ARID1B: variants seen among roughly 807,000 people sequenced by gnomAD.
ARID1B encodes AT-rich interactive domain-containing protein 1B.
A neutral mutation model predicts 212.3 loss-of-function variants in ARID1B; 30 were observed. The ratio of observed to expected loss-of-function variants is 0.14; its 90% CI spans 0.11 to 0.19. The LOEUF is 0.19. Ranked by LOEUF, ARID1B falls within the 10% of genes least tolerant of loss-of-function variation. ARID1B has a pLI of 1.00. For missense variants in ARID1B, 2,891 were observed against 3,204.0 expected (o/e 0.90, Z 2.36); for synonymous variants, 1,402 against 1,301.7 (o/e 1.08, Z -1.66).
rs1789703015 is a variant in ARID1B at position 157,146,093 on chromosome 6, C to A, written c.2762-2531C>A. The stretch of plus-strand genomic sequence containing the variant: ...CCTCTCCCCTCTATCCCCCCGTCAG[C>A]CACACACAGCGCCCCAGTGGCTGTC... On this transcript the variant is annotated intron_variant, in intron 7 of 19. Coordinates refer to ENST00000636930, the MANE Select transcript of ARID1B (RefSeq NM_001374828.1). Among the ~76,000 whole-genome samples, 3 of 152,126 alleles carry A rather than the reference C, an allele frequency of 2.0e-5. No homozygotes were observed. The South Asian group carries it at 6.2e-4, about 31-fold the overall frequency.
chr6:156,995,708 G>A (rs1446688616), intron 4 of ARID1B, among the ~76,000 whole-genome samples: 1 of 152,220 alleles, frequency 6.6e-6, no homozygotes. Context: ...TGTACCAGCT[G>A]CTATTAAGCT....
At chr6:157,077,496 G>T (rs1562598428) in intron 4 of ARID1B, among the ~76,000 whole-genome samples, 1 of 152,214 alleles carries the variant, frequency 6.6e-6, no homozygotes, top group South Asian at 2.1e-4. Context: ...GCCGAAATGA[G>T]CATGCCCTCC....
At chr6:156,926,108 A>G (rs959602354) in intron 3 of ARID1B, among the ~76,000 whole-genome samples, 2 of 152,172 alleles carry the variant, frequency 1.3e-5, no homozygotes, top group African/African-American at 4.8e-5. Context: ...GTGAAATAGG[A>G]CACCAGGCCT....
intron 7 of ARID1B, among the ~76,000 whole-genome samples, chr6:157,139,508 G>T (rs997638151): frequency 2.6e-5 from 4 of 152,160 alleles, no homozygotes; most frequent in African/African-American, 9.7e-5. Flanking sequence ...TGGCCCGCCT[G>T]CAGGGGGTGC....
At chr6:157,121,104 A>C (rs1287743786) in intron 6 of ARID1B, among the ~76,000 whole-genome samples, 1 of 152,228 alleles carries the variant, frequency 6.6e-6, no homozygotes, top group African/African-American at 2.4e-5. Context: ...GAGGCTAAAC[A>C]AGATCCATGT....
chr6:157,172,012 T>C (rs1791747743), intron 9 of ARID1B, among the ~76,000 whole-genome samples: 2 of 152,250 alleles, frequency 1.3e-5, no homozygotes, highest in South Asian at 2.1e-4. Flanking sequence ...ACAGAAGCCA[T>C]GTGCCCATGA....
chr6:156,843,695 G>A (rs1771206731), intron 2 of ARID1B, among the ~76,000 whole-genome samples: 1 of 152,182 alleles, frequency 6.6e-6, no homozygotes, highest in Non-Finnish European at 1.5e-5. Flanking sequence ...TTAGATAAAT[G>A]CCATTATCTC....
intron 4 of ARID1B, among the ~76,000 whole-genome samples, chr6:157,064,105 G>T (rs573563345): frequency 6.6e-6 from 1 of 152,324 alleles, no homozygotes; most frequent in Admixed American, 6.5e-5. Flanking sequence ...TGGTTGTGCA[G>T]TCATCTCTGA....
chr6:156,851,183 T>A (rs1784557911), intron 2 of ARID1B, among the ~76,000 whole-genome samples: 1 of 152,118 alleles, frequency 6.6e-6, no homozygotes. Context: ...CCTCTCTCTG[T>A]GTGTGCCAGA....
chr6:157,141,094 C>T (rs1789313996), intron 7 of ARID1B: 1 of 156,086 alleles, frequency 6.4e-6, no homozygotes, highest in Admixed American at 6.5e-5. Flanking sequence ...TCCGTCCCCT[C>T]CTGCCTTGAA....
intron 1 of ARID1B, chr6:156,779,678 TCGCCGGGCCG>T (rs904689488): frequency 1.1e-5 from 3 of 284,134 alleles, no homozygotes; most frequent in Non-Finnish European, 1.6e-5. Flanking sequence ...TGGGAGGGCT[TCGCCGGGCCG>T]GGCCGGGCCG....
intron 1 of ARID1B, among the ~76,000 whole-genome samples, chr6:156,813,043 C>CGTATGTATATACATATATATATAT (rs1164884273): frequency 1.4e-5 from 2 of 141,842 alleles, no homozygotes; most frequent in Non-Finnish European, 3.1e-5. Flanking sequence ...TATATATATA[C>CGTATGTATATACATATATATATAT]ACATACGTAT....
At position 157,208,080 on chromosome 6, in the gene ARID1B, T is replaced by A; in HGVS notation, c.*189T>A. ...GAACAGTTATGAAATTAATATTTGC[T>A]GTCTGTGTGTATAAGTACATCCTTT... On this transcript the variant is annotated 3_prime_UTR_variant, in exon 20 of 20. Coordinates refer to ENST00000636930, the MANE Select transcript of ARID1B (RefSeq NM_001374828.1). 2 of 626,174 alleles carry A rather than the reference T, an allele frequency of 3.2e-6. No homozygotes were observed. Among genetic ancestry groups the A allele is most frequent in the Non-Finnish European group, 4.7e-6 (2 of 426,838 alleles). 38.8% of individuals were successfully genotyped at this position (626,174 alleles called of 1,614,324 possible).
intron 3 of ARID1B, among the ~76,000 whole-genome samples, chr6:156,918,732 G>C (rs1790554893): frequency 6.6e-6 from 1 of 152,074 alleles, no homozygotes; most frequent in African/African-American, 2.4e-5. Context: ...TTGTTGACTT[G>C]GGGCTTCTAA....
chr6:156,782,151 T>C (rs1779327959), intron 1 of ARID1B, among the ~76,000 whole-genome samples: 1 of 151,820 alleles, frequency 6.6e-6, no homozygotes, highest in African/African-American at 2.4e-5. Context: ...TATTAGTTGT[T>C]GTAATTATAC....
intron 4 of ARID1B, among the ~76,000 whole-genome samples, chr6:157,083,768 C>T (rs2128459615): frequency 6.6e-6 from 1 of 152,312 alleles, no homozygotes; most frequent in Middle Eastern, 3.4e-3. Context: ...AACATAACTT[C>T]AAAGACATTT....
At chr6:157,064,055 C>T (rs185065486) in intron 4 of ARID1B, among the ~76,000 whole-genome samples, 63 of 152,334 alleles carry the variant, frequency 4.1e-4, no homozygotes, top group African/African-American at 1.5e-3. Flanking sequence ...TCCGACTAGG[C>T]TAGCCGGAAA....
chr6:156,836,758 G>A (rs1341857420), intron 2 of ARID1B, among the ~76,000 whole-genome samples: 1 of 152,132 alleles, frequency 6.6e-6, no homozygotes, highest in African/African-American at 2.4e-5. Flanking sequence ...TTGACCTCCT[G>A]GGCTCAGGTG....
rs149095591 is a variant in ARID1B, at chr6:156,982,408, T to C, written c.2247+46832T>C. 4.6e-5 allele frequency among the ~76,000 whole-genome samples: 7 copies of C among 151,600 alleles called. No homozygotes were observed. The East Asian group carries it at 1.4e-3, about 29-fold the overall frequency. The stretch of plus-strand genomic sequence containing the variant: ...TCGCCTGTGATGCCCGAAATAGTGC[T>C]GTGTGTCTCTATGGGTCTTTTTTTT... On this transcript the variant is annotated intron_variant, in intron 4 of 19. Transcript: ENST00000636930.
Sources: gnomAD v4.1 joint callset for allele counts (sites outside exome capture counted in the v4.1 genomes callset) on GRCh38, gnomAD v4.1.1 for gene constraint, MANE v1.5 for transcripts, NCBI Gene and HGNC (gene_info 2026-07-23, HGNC 2026-07-21) for gene names.